Variants in MACF1 observed in about 807,000 individuals in gnomAD.
The protein encoded by MACF1 is microtubule actin crosslinking factor 1.
A neutral mutation model predicts 854.8 loss-of-function variants in MACF1; 193 were observed. The observed-to-expected ratio is 0.23, with a 90% confidence interval of 0.20 to 0.25. The LOEUF (loss-of-function observed/expected upper bound fraction) is 0.25. Ranked by LOEUF, MACF1 falls within the 10% of genes least tolerant of loss-of-function variation. The pLI is 1.00. For synonymous variants in MACF1, 3,185 were observed against 3,226.7 expected, an observed-to-expected ratio of 0.99 and a Z score of 0.44; for missense variants, 7,722 against 8,929.1, an observed-to-expected ratio of 0.86 and a Z score of 5.45.
intron 1 of MACF1, among the ~76,000 whole-genome samples, chr1:39,209,290 C>G (rs1644489478): frequency 6.6e-6 from 1 of 151,750 alleles, no homozygotes; most frequent in South Asian, 2.1e-4. Context: ...TAAACTGTAG[C>G]AGGAACCATG....
chr1:39,219,256 C>G (rs192178932), intron 1 of MACF1, among the ~76,000 whole-genome samples: 136 of 152,294 alleles, frequency 8.9e-4, no homozygotes, highest in Non-Finnish European at 1.8e-3. Flanking sequence ...TTATATAGGA[C>G]TGCATTGTAT....
intron 72 of MACF1, 98 bp from the exon 73 acceptor site, chr1:39,440,905 A>C (rs1213402870): frequency 1.3e-5 from 15 of 1,189,384 alleles, no homozygotes; most frequent in Non-Finnish European, 1.8e-5. Flanking sequence ...AGTTATGTTG[A>C]GCATCTGCTA....
At chr1:39,226,721 G>A (rs190357067) in intron 1 of MACF1, among the ~76,000 whole-genome samples, 64 of 152,230 alleles carry the variant, frequency 4.2e-4, no homozygotes, top group Admixed American at 1.9e-3. Context: ...AAAGGAAACC[G>A]AATGAATTCC....
intron 91 of MACF1, 39 bp downstream of exon 91, chr1:39,459,288 CT>C: frequency 2.5e-6 from 4 of 1,575,434 alleles, no homozygotes; most frequent in Non-Finnish European, 3.4e-6. Context: ...AAACAAAGTG[CT>C]TTTTTCAATC....
intron 5 of MACF1, among the ~76,000 whole-genome samples, chr1:39,255,989 G>T (rs1020796116): frequency 2.0e-5 from 3 of 152,192 alleles, no homozygotes; most frequent in Non-Finnish European, 2.9e-5. Flanking sequence ...TACTAGAGCC[G>T]TTCTTGGTAA....
intron 97 of MACF1, among the ~76,000 whole-genome samples, chr1:39,474,693 C>CA (rs1644842449): frequency 6.6e-6 from 1 of 152,116 alleles, no homozygotes; most frequent in East Asian, 1.9e-4. Flanking sequence ...GACTCCATCT[C>CA]AAAAAATAAC....
At chr1:39,119,317 CAAAAA>C (rs745686071) in intron 2 of MACF1, among the ~76,000 whole-genome samples, 1 of 84,760 alleles carries the variant, frequency 1.2e-5, no homozygotes, top group Non-Finnish European at 2.3e-5. Flanking sequence ...AACTCCGTCT[CAAAAA>C]AAAAAAAAAA....
At chr1:39,161,384 G>T (rs1643795861) in intron 2 of MACF1, among the ~76,000 whole-genome samples, 1 of 152,022 alleles carries the variant, frequency 6.6e-6, no homozygotes, top group African/African-American at 2.4e-5. Context: ...TTTATGATAG[G>T]ACTATGAGAT....
At chr1:39,396,965 G>A (rs1642299546) in intron 58 of MACF1, among the ~76,000 whole-genome samples, 1 of 152,126 alleles carries the variant, frequency 6.6e-6, no homozygotes, top group Non-Finnish European at 1.5e-5. Context: ...GAAGGTTAAT[G>A]GAATACACTT....
At chr1:39,123,727 T>TG (rs1281869510) in intron 2 of MACF1, among the ~76,000 whole-genome samples, 2 of 141,264 alleles carry the variant, frequency 1.4e-5, no homozygotes, top group East Asian at 2.1e-4. Flanking sequence ...GTTTTTTTTT[T>TG]TTTTTTTTTT....
In MACF1 at chr1:39,442,136, G is replaced by A; in HGVS notation, c.18775-11G>A. On this transcript the variant is annotated splice_polypyrimidine_tract_variant and intron_variant, in intron 75 of 100. Transcript: ENST00000564288. The stretch of plus-strand genomic sequence containing the variant: ...TTGATTTGATGTTAACATTGAGTGT[G>A]TCTTTGACAGGAGTTCAAAGTAGAA... The A allele has an allele frequency of 6.3e-7, 1 of 1,589,460 alleles. No homozygotes were observed. Among genetic ancestry groups the A allele is most frequent in the Non-Finnish European group, 8.5e-7 (1 of 1,170,250 alleles).
At chr1:39,258,733 T>C (rs1557548313) in intron 6 of MACF1, among the ~76,000 whole-genome samples, 1 of 152,194 alleles carries the variant, frequency 6.6e-6, no homozygotes. Flanking sequence ...TTGCTGCACA[T>C]GAGGCTGATG....
rs867957477 is a variant in MACF1 at position 39,357,663 on chromosome 1, A to C, written c.11713A>C (p.Lys3905Gln). Residue 3905 changes from lysine to glutamine, a missense_variant, in exon 45 of 101, where the codon AAG (lysine) becomes CAG (glutamine). Transcript: ENST00000564288. ...RSEKELENMH[K>Q]GGSSPETLPS... Reference sequence around the variant, plus strand: ...CGAGAAAGAGCTGGAGAACATGCATAAGGGAGGCAGCAGCCCCGAGACCCT... The same window carrying C: ...CGAGAAAGAGCTGGAGAACATGCATCAGGGAGGCAGCAGCCCCGAGACCCT... 1 of 1,614,166 alleles carries C rather than the reference A, an allele frequency of 6.2e-7. No individual in the cohort carries two copies. Among genetic ancestry groups the C allele is most frequent in the East Asian group, 2.2e-5 (1 of 44,888 alleles).
intron 6 of MACF1, among the ~76,000 whole-genome samples, chr1:39,272,175 A>G (rs1645335048): frequency 6.6e-6 from 1 of 152,204 alleles, no homozygotes; most frequent in South Asian, 2.1e-4. Flanking sequence ...TCACCATCCT[A>G]TATGACAGAT....
chr1:39,450,703 C>G (rs1379444439), intron 84 of MACF1, among the ~76,000 whole-genome samples: 2 of 150,958 alleles, frequency 1.3e-5, no homozygotes, highest in Non-Finnish European at 2.9e-5. Flanking sequence ...GCTCTGCCTC[C>G]CGGGTTCGCG....
chr1:39,434,345 C>T, intron 68 of MACF1, 69 bp from the exon 69 acceptor site: 1 of 812,808 alleles, frequency 1.2e-6, no homozygotes, highest in South Asian at 1.8e-5. Flanking sequence ...TGTATATATA[C>T]CTACTTTTTT....
chr1:39,317,112 A>G (rs756752966), intron 28 of MACF1, 102 bp from the exon 29 acceptor site: 154 of 1,168,886 alleles, frequency 1.3e-4, no homozygotes, highest in Admixed American at 9.5e-4. Flanking sequence ...CACATATACA[A>G]TGTGGAAATA....
chr1:39,135,684 G>A (rs1643148190), intron 2 of MACF1, among the ~76,000 whole-genome samples: 1 of 152,106 alleles, frequency 6.6e-6, no homozygotes, highest in Admixed American at 6.5e-5. Flanking sequence ...TATTTTGATA[G>A]GAGTCTGATG....
chr1:39,085,752 A>G (rs928344492), intron 2 of MACF1, among the ~76,000 whole-genome samples: 2 of 152,186 alleles, frequency 1.3e-5, no homozygotes, highest in Non-Finnish European at 2.9e-5. Flanking sequence ...TGCCTGTGGA[A>G]TCAAGGCTTC....
Sources: gnomAD v4.1 joint callset for allele counts (sites outside exome capture counted in the v4.1 genomes callset) on GRCh38, gnomAD v4.1.1 for gene constraint, MANE v1.5 for transcripts, NCBI Gene and HGNC (gene_info 2026-07-23, HGNC 2026-07-21) for gene names.